Variants in LPP observed in about 807,000 individuals in gnomAD.
The protein encoded by LPP is LIM domain containing preferred translocation partner in lipoma, also known as lipoma-preferred partner.
In LPP, 38 loss-of-function variants were observed where a neutral mutation model predicts 60.4. That is an observed-to-expected ratio of 0.63 (90% CI 0.49 to 0.83). The LOEUF is 0.83. Ranked by LOEUF, LPP falls within the 40% of genes least tolerant of loss-of-function variation. The probability of loss-of-function intolerance (pLI) is 0.00; values close to 1 mark genes in which losing one functional copy is unlikely to be tolerated. For missense variants in LPP, 902 were observed against 783.6 expected, an observed-to-expected ratio of 1.15 and a Z score of -1.80; for synonymous variants, 328 against 290.8, an observed-to-expected ratio of 1.13 and a Z score of -1.30.
At chr3:188,830,736 T>A (rs1328813723) in intron 9 of LPP, among the ~76,000 whole-genome samples, 1 of 152,188 alleles carries the variant, frequency 6.6e-6, no homozygotes, top group African/African-American at 2.4e-5. Flanking sequence ...GGTCTCCACA[T>A]CTACCTATAA....
intron 2 of LPP, among the ~76,000 whole-genome samples, chr3:188,230,538 C>T (rs897071560): frequency 6.6e-6 from 1 of 151,998 alleles, no homozygotes; most frequent in Non-Finnish European, 1.5e-5. Context: ...AATCCCAGCA[C>T]TTTGGGAGGC....
chr3:188,202,840 A>G (rs1351607870), intron 1 of LPP, among the ~76,000 whole-genome samples: 1 of 151,936 alleles, frequency 6.6e-6, no homozygotes, highest in African/African-American at 2.4e-5. Flanking sequence ...TTGGGAGGGA[A>G]AAGGATGTGT....
chr3:188,610,577 T>A lies in LPP; in HGVS notation c.1113+733T>A, dbSNP rs1256334580. Among the ~76,000 whole-genome samples the A allele has an allele frequency of 2.0e-5, 3 of 152,250 alleles. No individual in the cohort carries two copies. The highest frequency in any genetic ancestry group is 6.5e-5 in the Admixed American group (1 of 15,286). On this transcript the variant is annotated intron_variant, in intron 7 of 11. Coordinates refer to ENST00000617246, the MANE Select transcript of LPP (RefSeq NM_001375462.1). This position sits in a 1 kb window ranked among gnomAD's most constrained non-coding sequence, Gnocchi z 4.4. The stretch of plus-strand genomic sequence containing the variant: ...CAGCCTTTAGCACTATTAAGCAATG[T>A]TTAAAAACTCCTTATGAGTGACAGT...
At chr3:188,724,911 T>C (rs1199398728) in intron 8 of LPP, among the ~76,000 whole-genome samples, 1 of 152,214 alleles carries the variant, frequency 6.6e-6, no homozygotes, top group East Asian at 1.9e-4. Flanking sequence ...GAAAATAAAG[T>C]CACCCTGTTG....
intron 2 of LPP, among the ~76,000 whole-genome samples, chr3:188,256,227 G>C (rs966057373): frequency 1.3e-5 from 2 of 152,112 alleles, no homozygotes; most frequent in Non-Finnish European, 2.9e-5. Context: ...AGGGAAATTA[G>C]TTGGTAATTA....
At chr3:188,550,008 G>A (rs1233876606) in intron 6 of LPP, among the ~76,000 whole-genome samples, 1 of 152,130 alleles carries the variant, frequency 6.6e-6, no homozygotes. Context: ...TTGCACACTT[G>A]TCATGAGGCT....
At chr3:188,469,793 T>C (rs1422357014) in intron 4 of LPP, among the ~76,000 whole-genome samples, 1 of 152,188 alleles carries the variant, frequency 6.6e-6, no homozygotes, top group Admixed American at 6.6e-5. Flanking sequence ...AACACTTAAC[T>C]ATATTTTATA....
chr3:188,378,699 C>T lies in LPP; in HGVS notation c.-9-27413C>T, dbSNP rs11718686. On this transcript the variant is annotated intron_variant, in intron 3 of 11. Coordinates refer to ENST00000617246, the MANE Select transcript of LPP (RefSeq NM_001375462.1). ...GCCTCACCCTGCTTCGGCTCGTGCA[C>T]GGTGCACTGCACCCACTCTGCTGCA... is the stretch of plus-strand genomic sequence containing the variant. 5.9e-3 allele frequency among the ~76,000 whole-genome samples: 901 copies of T among 152,258 alleles called. 6 individuals are homozygous for T. The highest frequency in any genetic ancestry group is 7.2e-3 in the Non-Finnish European group (488 of 68,024).
chr3:188,534,583 A>G (rs911249948), intron 6 of LPP, among the ~76,000 whole-genome samples: 5 of 152,218 alleles, frequency 3.3e-5, no homozygotes, highest in African/African-American at 1.2e-4. Flanking sequence ...TAAAAAGCAA[A>G]TAAACAAGAA....
At chr3:188,558,467 T>C (rs553068807) in intron 6 of LPP, among the ~76,000 whole-genome samples, 2 of 152,194 alleles carry the variant, frequency 1.3e-5, no homozygotes, top group African/African-American at 4.8e-5. Flanking sequence ...ATATACCCTG[T>C]TATGGTTGTG....
At chr3:188,392,153 C>T (rs577073548) in intron 3 of LPP, among the ~76,000 whole-genome samples, 12 of 152,292 alleles carry the variant, frequency 7.9e-5, no homozygotes, top group African/African-American at 2.6e-4. Context: ...GTAACAATTA[C>T]GTTCTATTAC....
chr3:188,737,553 T>C (rs954375294), intron 8 of LPP, among the ~76,000 whole-genome samples: 2 of 152,164 alleles, frequency 1.3e-5, no homozygotes, highest in Admixed American at 6.5e-5. Flanking sequence ...AAACTTCTGA[T>C]ACCATCCCCC....
At chr3:188,565,761 A>G (rs1831981588) in intron 6 of LPP, among the ~76,000 whole-genome samples, 2 of 152,010 alleles carry the variant, frequency 1.3e-5, no homozygotes, top group Non-Finnish European at 2.9e-5. Flanking sequence ...ATAATGAAAA[A>G]CATTCAATAT....
intron 6 of LPP, among the ~76,000 whole-genome samples, chr3:188,598,081 C>G (rs1840336200): frequency 6.6e-6 from 1 of 152,058 alleles, no homozygotes; most frequent in South Asian, 2.1e-4. Context: ...GGATGAATAA[C>G]CAGTTAGAAG....
chr3:188,823,195 G>A (rs1754473339), intron 9 of LPP, among the ~76,000 whole-genome samples: 1 of 152,122 alleles, frequency 6.6e-6, no homozygotes, highest in African/African-American at 2.4e-5. Flanking sequence ...TGTTTTCAGG[G>A]TCAGTAAATA....
At chr3:188,435,735 G>A (rs1792134616) in intron 4 of LPP, among the ~76,000 whole-genome samples, 2 of 152,084 alleles carry the variant, frequency 1.3e-5, no homozygotes, top group African/African-American at 4.8e-5. Flanking sequence ...ACTAAGGTTT[G>A]TTTATTACAT....
At chr3:188,723,559 C>T (rs1717266065) in intron 8 of LPP, among the ~76,000 whole-genome samples, 2 of 152,108 alleles carry the variant, frequency 1.3e-5, no homozygotes. Flanking sequence ...AGACGGCAGA[C>T]ATACAGAAAC....
chr3:188,172,578 T>C (rs185827190), intron 1 of LPP, among the ~76,000 whole-genome samples: 1 of 152,344 alleles, frequency 6.6e-6, no homozygotes, highest in Admixed American at 6.5e-5. Flanking sequence ...ATTGTTGTCT[T>C]TTTAAATAAA....
intron 3 of LPP, among the ~76,000 whole-genome samples, chr3:188,403,097 G>T (rs763486871): frequency 1.3e-5 from 2 of 152,284 alleles, no homozygotes; most frequent in Non-Finnish European, 2.9e-5. Flanking sequence ...GCAAACAAAT[G>T]ATTGGTCAGA....
Sources: allele counts gnomAD v4.1 joint callset (sites outside exome capture counted in the v4.1 genomes callset), GRCh38; gene constraint gnomAD v4.1.1; non-coding constraint Gnocchi (gnomAD v3.1); transcripts MANE v1.5; gene names NCBI Gene and HGNC (gene_info 2026-07-23, HGNC 2026-07-21).